SMARCA2: variants seen among roughly 807,000 people sequenced by gnomAD.
The protein encoded by SMARCA2 is SWI/SNF related BAF chromatin remodeling complex subunit ATPase 2, also known as SWI/SNF-related matrix-associated actin-dependent regulator of chromatin subfamily A member 2.
Under a neutral mutation model 199.8 loss-of-function variants are expected in SMARCA2, and 61 were observed. That is an observed-to-expected ratio of 0.31 (90% confidence interval 0.25 to 0.38). The LOEUF (loss-of-function observed/expected upper bound fraction) is 0.38. Ranked by LOEUF, SMARCA2 falls within the 10% of genes least tolerant of loss-of-function variation. SMARCA2 has a pLI of 1.00. For synonymous variants in SMARCA2, 935 were observed against 732.0 expected (o/e 1.28, Z -4.48); for missense variants, 1,344 against 2,012.2 (o/e 0.67, Z 6.35).
rs1821800197 is a variant in SMARCA2, at chr9:2,086,275, A to G, written c.2527-554A>G. Among the ~76,000 whole-genome samples, 1 of 152,250 alleles carries G rather than the reference A, an allele frequency of 6.6e-6. No homozygotes were observed. The highest frequency in any genetic ancestry group is 2.1e-4 in the South Asian group (1 of 4,834). On this transcript the variant is annotated intron_variant, in intron 17 of 33. Coordinates refer to ENST00000349721, the MANE Select transcript of SMARCA2 (RefSeq NM_003070.5). The surrounding 1 kb of genome is among the most constrained non-coding windows in gnomAD (Gnocchi z 4.3). ...TTAAATGTTAGCAACCAGTCCAAACAAAACAAAACACACTTCCGGGCCAAG... is the reference window on the plus strand; with the variant it reads ...TTAAATGTTAGCAACCAGTCCAAACGAAACAAAACACACTTCCGGGCCAAG...
At chr9:2,155,832 C>A (rs1207452215) in intron 27 of SMARCA2, among the ~76,000 whole-genome samples, 1 of 135,350 alleles carries the variant, frequency 7.4e-6, no homozygotes. Flanking sequence ...AGCTGAGGCT[C>A]AATTTTCTTC....
Position 2,045,194 on chromosome 9 carries a change from C to G in SMARCA2, c.791-2035C>G, listed in dbSNP as rs1819785034. On this transcript the variant is annotated intron_variant, in intron 4 of 33. Transcript: ENST00000349721. ...TTTGAGAACTAAATTTAAAGTAATTCTTCCGATATTATCAGTAAGACCTAA... is the reference window on the plus strand; with the variant it reads ...TTTGAGAACTAAATTTAAAGTAATTGTTCCGATATTATCAGTAAGACCTAA... The G allele has an allele frequency of 4.6e-5, 7 of 152,298 alleles. No individual in the cohort carries two copies. In the South Asian group the frequency reaches 1.5e-3, roughly 32 times the overall value. 9.4% of individuals were successfully genotyped at this position (152,298 alleles called of 1,614,324 possible).
intron 27 of SMARCA2, among the ~76,000 whole-genome samples, chr9:2,159,191 G>T (rs1032725897): frequency 1.3e-5 from 2 of 152,152 alleles, no homozygotes; most frequent in African/African-American, 4.8e-5. Flanking sequence ...CGGGGTGAGA[G>T]TAGAAATATC....
In SMARCA2 at chr9:2,135,203, G is replaced by A. The variant is rs78092124; in HGVS notation, c.3981+11266G>A. Among the ~76,000 whole-genome samples the A allele has an allele frequency of 1.4e-3, 212 of 152,310 alleles. 2 individuals are homozygous for A. Among genetic ancestry groups the A allele is most frequent in the Non-Finnish European group, 2.2e-3 (150 of 68,024 alleles). ...GGAGCTCCAGTGTCTGAGGGCAGGA[G>A]AAGATGGATGACACAGCTCAAGAAA... On this transcript the variant is annotated intron_variant, in intron 27 of 33. Transcript: ENST00000349721.
intron 20 of SMARCA2, chr9:2,096,977 A>G (rs1822300088): frequency 3.6e-6 from 2 of 556,648 alleles, no homozygotes; most frequent in Admixed American, 3.2e-5. Flanking sequence ...CATATTACCA[A>G]AATAGTTAGC....
In SMARCA2 at chr9:2,073,248, G is replaced by A. The variant is rs1237338137; in HGVS notation, c.1783G>A (p.Val595Ile). 1 of 1,614,156 alleles carries A rather than the reference G, an allele frequency of 6.2e-7. No individual in the cohort carries two copies. Among genetic ancestry groups the A allele is most frequent in the Non-Finnish European group, 8.5e-7 (1 of 1,180,030 alleles). Residue 595 changes from valine (V) to isoleucine (I), a missense_variant, in exon 11 of 34, where the codon GTC becomes ATC. By Grantham distance (29) the Val-to-Ile change is conservative. Around this residue, in one of 18 missense-constraint regions of SMARCA2, gnomAD observed 68 missense variants for 70.4 expected, o/e 0.97. Coordinates refer to ENST00000349721, the MANE Select transcript of SMARCA2 (RefSeq NM_003070.5). ...GAGCAGCCAGATGAGTGACCTCCCT[G>A]TCAAAGTGACTCACACAGAAACCGG... ...DESSQMSDLP[V>I]KVTHTETGKV...
At chr9:2,186,813 G>A (rs1054671876) in intron 32 of SMARCA2, among the ~76,000 whole-genome samples, 11 of 152,118 alleles carry the variant, frequency 7.2e-5, no homozygotes, top group South Asian at 2.1e-4. Flanking sequence ...GGCACAAGCC[G>A]CCACACCTGA....
intron 25 of SMARCA2, 122 bp downstream of exon 25, chr9:2,116,171 A>G: frequency 1.4e-6 from 1 of 731,944 alleles, no homozygotes. Flanking sequence ...GAAGAAATAA[A>G]CTGCTGTTTT....
rs1041854650 is a variant in SMARCA2 at position 2,169,166 on chromosome 9, C to T, written c.4200-1253C>T. ...ATTGTCCCTACAAGACACCCGTTCA[C>T]CTGCCTCCTCACCCCCTGTCTTCCT... On this transcript the variant is annotated intron_variant, in intron 28 of 33. Coordinates refer to ENST00000349721, the MANE Select transcript of SMARCA2 (RefSeq NM_003070.5). The surrounding 1 kb of genome is among the most constrained non-coding windows in gnomAD (Gnocchi z 6.5). Among the ~76,000 whole-genome samples, 1 of 152,170 alleles carries T rather than the reference C, an allele frequency of 6.6e-6. No individual in the cohort carries two copies. The highest frequency in any genetic ancestry group is 1.5e-5 in the Non-Finnish European group (1 of 68,034).
At chr9:2,183,791 A>G (rs528513436) in intron 31 of SMARCA2, among the ~76,000 whole-genome samples, 77 of 152,354 alleles carry the variant, frequency 5.1e-4, no homozygotes, top group Non-Finnish European at 9.3e-4. Context: ...AAGCCAGGAC[A>G]TAGAAAGTAG....
Position 2,170,080 on chromosome 9 carries a change from C to G in SMARCA2, c.4200-339C>G, listed in dbSNP as rs897959723. 3.3e-5 allele frequency among the ~76,000 whole-genome samples: 5 copies of G among 152,124 alleles called. No individual in the cohort carries two copies. Among genetic ancestry groups the G allele is most frequent in the Admixed American group, 3.3e-4 (5 of 15,270 alleles). ...ACTCAGATAGACTAGCACTACCTTC[C>G]CAAGATCACACGCACCTCTAGCCAG... On this transcript the variant is annotated intron_variant, in intron 28 of 33. Coordinates refer to ENST00000349721, the MANE Select transcript of SMARCA2 (RefSeq NM_003070.5). This position sits in a 1 kb window ranked among gnomAD's most constrained non-coding sequence, Gnocchi z 4.7.
chr9:2,183,589 T>G (rs1332658485), intron 31 of SMARCA2, among the ~76,000 whole-genome samples: 3 of 152,230 alleles, frequency 2.0e-5, no homozygotes, highest in Non-Finnish European at 2.9e-5. Flanking sequence ...TAAGCCTGTT[T>G]CCTGATCATA....
intron 7 of SMARCA2, among the ~76,000 whole-genome samples, chr9:2,057,731 C>A (rs1263638193): frequency 6.6e-6 from 1 of 151,932 alleles, no homozygotes; most frequent in Non-Finnish European, 1.5e-5. Context: ...ATTTGTTTTC[C>A]TGTGCTTAAT....
At chr9:2,018,580 A>G (rs919803392) in intron 1 of SMARCA2, among the ~76,000 whole-genome samples, 2 of 152,232 alleles carry the variant, frequency 1.3e-5, no homozygotes, top group African/African-American at 4.8e-5. Context: ...TGCGTTACCA[A>G]TATCGAATTT....
In SMARCA2 at chr9:2,192,834, G is replaced by A; in HGVS notation, c.*95G>A. On this transcript the variant is annotated 3_prime_UTR_variant, in exon 34 of 34. Transcript: ENST00000349721. ...TCATTTGTCATATAGGCACTGGGTT[G>A]TTTCTATATCATCATCGTCTATAAA... is the stretch of plus-strand genomic sequence containing the variant. 1 of 859,074 alleles carries A rather than the reference G, an allele frequency of 1.2e-6. No individual in the cohort carries two copies. The highest frequency in any genetic ancestry group is 1.4e-5 in the South Asian group (1 of 70,816). The allele number at this position is 859,074 out of a possible 1,614,324, so 53.2% of individuals were successfully genotyped here. A position where few individuals can be genotyped will look rare whatever the true frequency, so the allele number is the denominator to read the frequency against.
intron 3 of SMARCA2, among the ~76,000 whole-genome samples, chr9:2,038,867 A>G (rs1819450984): frequency 1.3e-5 from 2 of 152,216 alleles, no homozygotes; most frequent in African/African-American, 2.4e-5. Context: ...ATTGCAAGTT[A>G]TTCATAACAT....
rs1341370683 is a variant in SMARCA2, at chr9:2,103,973, C to T, written c.3126-30C>T. 4 of 1,608,710 alleles carry T rather than the reference C, an allele frequency of 2.5e-6. No homozygotes were observed. The South Asian group carries it at 4.4e-5, about 18-fold the overall frequency. On this transcript the variant is annotated intron_variant, in intron 22 of 33. Transcript: ENST00000349721. ...TTTAAGAAGACAGAAGTAATACTGT[C>T]TTCTTGTTTTTGCATTTTTTTGGGT...
At chr9:2,126,257 T>C (rs1263755158) in intron 27 of SMARCA2, among the ~76,000 whole-genome samples, 3 of 152,254 alleles carry the variant, frequency 2.0e-5, no homozygotes, top group Non-Finnish European at 4.4e-5. Flanking sequence ...TGCAACATAC[T>C]AAGTCATCCA....
At chr9:2,145,101 A>G (rs1824669014) in intron 27 of SMARCA2, among the ~76,000 whole-genome samples, 1 of 152,132 alleles carries the variant, frequency 6.6e-6, no homozygotes, top group African/African-American at 2.4e-5. Context: ...GGAGTTCGAA[A>G]CCAGTCTGGC....
Sources: allele counts gnomAD v4.1 joint callset (sites outside exome capture counted in the v4.1 genomes callset), GRCh38; gene constraint gnomAD v4.1.1; regional missense constraint gnomAD v4.1.1; non-coding constraint Gnocchi (gnomAD v3.1); transcripts MANE v1.5; gene names NCBI Gene and HGNC (gene_info 2026-07-23, HGNC 2026-07-21).